Variants in UBE2G1 observed in about 807,000 individuals in gnomAD.
The protein encoded by UBE2G1 is ubiquitin-conjugating enzyme E2 G1.
In UBE2G1, 5 loss-of-function variants were observed where a neutral mutation model predicts 22.7. That is an observed-to-expected ratio of 0.22 (90% CI 0.12 to 0.46). The LOEUF is 0.46. Among genes scored for constraint, UBE2G1 ranks in the 20% least tolerant of loss-of-function variants. The probability of loss-of-function intolerance (pLI) is 0.99; values close to 1 mark genes in which losing one functional copy is unlikely to be tolerated. For synonymous variants in UBE2G1, 74 were observed against 67.5 expected (o/e 1.10, Z -0.47); for missense variants, 88 against 203.9 (o/e 0.43, Z 3.46).
intron 2 of UBE2G1, among the ~76,000 whole-genome samples, chr17:4,306,242 A>C (rs2096864572): frequency 6.6e-6 from 1 of 152,140 alleles, no homozygotes; most frequent in African/African-American, 2.4e-5. Flanking sequence ...ATACATTCTC[A>C]ATTAAAATGT....
chr17:4,281,390 T>C (rs958950080), intron 5 of UBE2G1, among the ~76,000 whole-genome samples: 3 of 151,800 alleles, frequency 2.0e-5, no homozygotes, highest in Middle Eastern at 3.4e-3. Flanking sequence ...AAACCCAGAG[T>C]TAGGAATATG....
intron 5 of UBE2G1, among the ~76,000 whole-genome samples, chr17:4,275,856 G>A (rs148372936): frequency 3.3e-5 from 5 of 152,146 alleles, no homozygotes; most frequent in African/African-American, 1.2e-4. Flanking sequence ...TCACCAATCC[G>A]CTGACTTTTT....
chr17:4,307,151 A>G, intron 1 of UBE2G1, 28 bp from the exon 2 acceptor site: 1 of 1,562,262 alleles, frequency 6.4e-7, no homozygotes, highest in Non-Finnish European at 8.8e-7. Flanking sequence ...TTTAATCAAT[A>G]CATTTAAGCA....
intron 5 of UBE2G1, among the ~76,000 whole-genome samples, chr17:4,274,545 T>A (rs1968799797): frequency 6.6e-6 from 1 of 152,034 alleles, no homozygotes; most frequent in African/African-American, 2.4e-5. Flanking sequence ...CCAAAAGCTC[T>A]GTTGTGGGGA....
At chr17:4,290,046 G>A (rs1223948496) in intron 3 of UBE2G1, among the ~76,000 whole-genome samples, 1 of 151,950 alleles carries the variant, frequency 6.6e-6, no homozygotes, top group Non-Finnish European at 1.5e-5. Context: ...CTTATTTTTA[G>A]GAGACATGTA....
chr17:4,316,099 G>C (rs1001484472), intron 1 of UBE2G1, among the ~76,000 whole-genome samples: 1 of 152,112 alleles, frequency 6.6e-6, no homozygotes, highest in African/African-American at 2.4e-5. Context: ...CACCGCCTAA[G>C]TGTACTTTGC....
At chr17:4,310,916 C>G (rs559844567) in intron 1 of UBE2G1, among the ~76,000 whole-genome samples, 1 of 152,138 alleles carries the variant, frequency 6.6e-6, no homozygotes, top group South Asian at 2.1e-4. Flanking sequence ...AGTAGTAAGT[C>G]AAAAATGACA....
chr17:4,328,507 C>A (rs565397174), intron 1 of UBE2G1, among the ~76,000 whole-genome samples: 1 of 152,226 alleles, frequency 6.6e-6, no homozygotes, highest in African/African-American at 2.4e-5. Context: ...AATTCAGTGC[C>A]CTGTACCCTG....
At chr17:4,355,400 GGAGGCC>G (rs1969894363) in intron 1 of UBE2G1, among the ~76,000 whole-genome samples, 1 of 151,046 alleles carries the variant, frequency 6.6e-6, no homozygotes, top group African/African-American at 2.4e-5. Context: ...CAGCACTTTG[GGAGGCC>G]GAGGCGGGTG....
In UBE2G1 at chr17:4,284,091, A is replaced by C. The variant is rs561145499; in HGVS notation, c.427-1170T>G. Among the ~76,000 whole-genome samples, 206 of 151,034 alleles carry C rather than the reference A, an allele frequency of 1.4e-3. 1 individual carries two copies. The highest frequency in any genetic ancestry group is 4.7e-3 in the African/African-American group (193 of 41,230). Reference sequence around the variant, plus strand: ...AGAATCGCTTGAACCTGAGAGGCAGACGTTGCAGTGAGGCAATATCGTGAC... The same window carrying C: ...AGAATCGCTTGAACCTGAGAGGCAGCCGTTGCAGTGAGGCAATATCGTGAC... On this transcript the variant is annotated intron_variant, in intron 4 of 5. Coordinates refer to ENST00000396981, the MANE Select transcript of UBE2G1 (RefSeq NM_003342.5).
At chr17:4,360,759 A>G (rs1969957139) in intron 1 of UBE2G1, among the ~76,000 whole-genome samples, 1 of 152,124 alleles carries the variant, frequency 6.6e-6, no homozygotes, top group African/African-American at 2.4e-5. Flanking sequence ...TAAAAATACA[A>G]AATTAGCCAG....
intron 1 of UBE2G1, chr17:4,331,718 TG>T (rs1449920667): frequency 6.6e-6 from 1 of 152,088 alleles, no homozygotes. Flanking sequence ...TGAAAACGGA[TG>T]GAAGAACGTG....
chr17:4,333,005 T>C (rs914682466), intron 1 of UBE2G1, among the ~76,000 whole-genome samples: 1 of 152,196 alleles, frequency 6.6e-6, no homozygotes, highest in Non-Finnish European at 1.5e-5. Flanking sequence ...TTTACTGATA[T>C]AGCCCCAGGA....
intron 2 of UBE2G1, among the ~76,000 whole-genome samples, chr17:4,300,545 A>G (rs1333320500): frequency 1.3e-5 from 2 of 152,148 alleles, no homozygotes; most frequent in African/African-American, 4.8e-5. Flanking sequence ...TCTGTCTCCA[A>G]AAATAATAAT....
At chr17:4,305,412 A>G (rs1186731884) in intron 2 of UBE2G1, among the ~76,000 whole-genome samples, 1 of 152,244 alleles carries the variant, frequency 6.6e-6, no homozygotes, top group Admixed American at 6.5e-5. Flanking sequence ...AGGAAGGCAC[A>G]GTCCAGAAGT....
rs567382337 is a variant in UBE2G1, at chr17:4,331,255, G to A, written c.47-24132C>T. On this transcript the variant is annotated intron_variant, in intron 1 of 5. Coordinates refer to ENST00000396981, the MANE Select transcript of UBE2G1 (RefSeq NM_003342.5). Reference sequence around the variant, plus strand: ...CTAAGAAATGACCAGAAATTTATCCGAAGAGAAATAATCAAGGATTATGTA... The same window carrying A: ...CTAAGAAATGACCAGAAATTTATCCAAAGAGAAATAATCAAGGATTATGTA... 2.0e-4 allele frequency among the ~76,000 whole-genome samples: 31 copies of A among 152,190 alleles called. No individual in the cohort carries two copies. The South Asian group carries it at 5.0e-3, about 24-fold the overall frequency.
chr17:4,273,439 C>T (rs1968783647), intron 5 of UBE2G1, among the ~76,000 whole-genome samples: 1 of 152,148 alleles, frequency 6.6e-6, no homozygotes, highest in Non-Finnish European at 1.5e-5. Flanking sequence ...CCTCTGGGCT[C>T]AAGTGATCTT....
At chr17:4,313,864 TCTACAAGCCATGAATAAAA>T (rs973411434) in intron 1 of UBE2G1, among the ~76,000 whole-genome samples, 2 of 152,118 alleles carry the variant, frequency 1.3e-5, no homozygotes, top group African/African-American at 4.8e-5. Context: ...GCCAGAGTGG[TCTACAAGCCATGAATAAAA>T]AGGAAACCCA....
chr17:4,328,921 C>T (rs1426460353), intron 1 of UBE2G1, among the ~76,000 whole-genome samples: 1 of 151,470 alleles, frequency 6.6e-6, no homozygotes, highest in Non-Finnish European at 1.5e-5. Flanking sequence ...TCCGTCTCTA[C>T]TAAAAATACA....
Sources: gnomAD v4.1 joint callset for allele counts (sites outside exome capture counted in the v4.1 genomes callset) on GRCh38, gnomAD v4.1.1 for gene constraint, MANE v1.5 for transcripts, NCBI Gene and HGNC (gene_info 2026-07-23, HGNC 2026-07-21) for gene names.